The following DLG2 variants were observed in gnomAD, a reference collection of about 807,000 sequenced individuals.
DLG2 encodes the protein disks large homolog 2.
In DLG2, 45 loss-of-function variants were observed where a neutral mutation model predicts 132.5. That is an observed-to-expected ratio of 0.34 (90% CI 0.27 to 0.44). The LOEUF (loss-of-function observed/expected upper bound fraction) is 0.44, where lower values mean the gene tolerates loss of function less well. Ranked by LOEUF, DLG2 falls within the 20% of genes least tolerant of loss-of-function variation. DLG2 has a pLI of 1.00. For missense variants in DLG2, 1,045 were observed against 1,196.9 expected (o/e 0.87, Z 1.87); for synonymous variants, 424 against 419.6 (o/e 1.01, Z -0.13).
At chr11:84,137,810 C>T (rs1180052463) in intron 9 of DLG2, among the ~76,000 whole-genome samples, 1 of 151,930 alleles carries the variant, frequency 6.6e-6, no homozygotes, top group South Asian at 2.1e-4. Flanking sequence ...ATTCAATAAC[C>T]TTGAGATTTA....
At chr11:85,055,320 G>A (rs898639496) in intron 6 of DLG2, among the ~76,000 whole-genome samples, 12 of 152,128 alleles carry the variant, frequency 7.9e-5, no homozygotes, top group Admixed American at 7.9e-4. Context: ...ACATTCTCTT[G>A]CTAAGAACAA....
At chr11:84,576,150 A>G (rs140390341) in intron 6 of DLG2, among the ~76,000 whole-genome samples, 1 of 152,314 alleles carries the variant, frequency 6.6e-6, no homozygotes, top group African/African-American at 2.4e-5. Context: ...CCTTTAATTA[A>G]CATCATATAT....
chr11:84,074,261 G>GT (rs1211510055), intron 10 of DLG2, among the ~76,000 whole-genome samples: 1 of 152,064 alleles, frequency 6.6e-6, no homozygotes, highest in East Asian at 1.9e-4. Flanking sequence ...CATACATTCA[G>GT]TTTTTTTGTT....
At chr11:84,595,224 C>G (rs1490003682) in intron 6 of DLG2, among the ~76,000 whole-genome samples, 1 of 152,114 alleles carries the variant, frequency 6.6e-6, no homozygotes, top group African/African-American at 2.4e-5. Flanking sequence ...CCTACCTTTG[C>G]CTCCAGACTA....
At chr11:85,447,744 A>G (rs539776717) in intron 3 of DLG2, among the ~76,000 whole-genome samples, 6 of 152,266 alleles carry the variant, frequency 3.9e-5, no homozygotes, top group African/African-American at 1.2e-4. Context: ...GAAGCTTAAA[A>G]TTTCTGAAAA....
intron 11 of DLG2, among the ~76,000 whole-genome samples, chr11:84,008,862 G>T (rs2094717413): frequency 6.6e-6 from 1 of 151,488 alleles, no homozygotes; most frequent in Admixed American, 6.6e-5. Context: ...TCATTAGGTG[G>T]ATCACTCTCT....
chr11:85,397,181 C>T (rs2087475395), intron 3 of DLG2, among the ~76,000 whole-genome samples: 1 of 152,136 alleles, frequency 6.6e-6, no homozygotes, highest in Non-Finnish European at 1.5e-5. Flanking sequence ...CCAAACTAAA[C>T]TTCTTAAGAG....
intron 6 of DLG2, among the ~76,000 whole-genome samples, chr11:84,836,375 T>C (rs1162046792): frequency 6.6e-6 from 1 of 151,746 alleles, no homozygotes; most frequent in Non-Finnish European, 1.5e-5. Flanking sequence ...TCCACCACAA[T>C]GATCTTAGAC....
At chr11:84,167,736 G>T (rs1477000158) in intron 8 of DLG2, among the ~76,000 whole-genome samples, 1 of 151,776 alleles carries the variant, frequency 6.6e-6, no homozygotes, top group Non-Finnish European at 1.5e-5. Context: ...GTGCGATCTT[G>T]GCTCACTGCA....
intron 3 of DLG2, among the ~76,000 whole-genome samples, chr11:85,592,138 A>T (rs931576756): frequency 5.9e-5 from 9 of 152,208 alleles, no homozygotes; most frequent in African/African-American, 1.9e-4. Flanking sequence ...ATGTACATAA[A>T]TATTACTTTC....
At position 85,199,310 on chromosome 11, in the gene DLG2, T is replaced by C. The variant is rs184116216; in HGVS notation, c.187-44659A>G. Among the ~76,000 whole-genome samples the C allele has an allele frequency of 1.0e-3, 155 of 152,264 alleles. 4 individuals carry two copies. In the East Asian group the frequency reaches 0.02, roughly 20 times the overall value. ...AAGACTGACACCAATGCACACATAT[T>C]TTATGTTTCTATTTACAAGAAGTTC... On this transcript the variant is annotated intron_variant, in intron 4 of 27. Transcript: ENST00000376104.
intron 6 of DLG2, among the ~76,000 whole-genome samples, chr11:84,621,165 G>A (rs998692033): frequency 1.3e-5 from 2 of 152,064 alleles, no homozygotes; most frequent in African/African-American, 4.8e-5. Flanking sequence ...TAACTTGGAG[G>A]AGGGGCTTAT....
chr11:85,228,272 G>A (rs899959068), intron 4 of DLG2, among the ~76,000 whole-genome samples: 8 of 152,054 alleles, frequency 5.3e-5, no homozygotes, highest in Non-Finnish European at 1.0e-4. Context: ...GAGCTAGCAA[G>A]TTCTGCTTTA....
At chr11:83,811,161 T>C (rs2047163054) in intron 17 of DLG2, among the ~76,000 whole-genome samples, 1 of 152,158 alleles carries the variant, frequency 6.6e-6, no homozygotes, top group South Asian at 2.1e-4. Context: ...CAGAGTTATA[T>C]TGAGAACTGA....
At chr11:85,245,220 A>G (rs1265535739) in intron 4 of DLG2, among the ~76,000 whole-genome samples, 2 of 151,976 alleles carry the variant, frequency 1.3e-5, no homozygotes, top group Admixed American at 6.6e-5. Context: ...TTTATATTCA[A>G]CTGTAAATGT....
intron 4 of DLG2, among the ~76,000 whole-genome samples, chr11:85,164,490 A>G (rs563563123): frequency 6.6e-6 from 1 of 152,246 alleles, no homozygotes; most frequent in South Asian, 2.1e-4. Flanking sequence ...CCGTTACTTC[A>G]TCCCCTGATA....
intron 6 of DLG2, among the ~76,000 whole-genome samples, chr11:85,007,110 G>T (rs1316899747): frequency 2.6e-5 from 4 of 152,022 alleles, no homozygotes; most frequent in Admixed American, 1.3e-4. Context: ...TAGAAGTCAT[G>T]GTTGCAAATA....
chr11:85,599,364 C>G (rs1018444833), intron 2 of DLG2, among the ~76,000 whole-genome samples: 1 of 151,966 alleles, frequency 6.6e-6, no homozygotes, highest in African/African-American at 2.4e-5. Context: ...CTCTCTCTCT[C>G]TCTCTACTTT....
At chr11:84,840,726 C>A (rs997711318) in intron 6 of DLG2, among the ~76,000 whole-genome samples, 4 of 151,984 alleles carry the variant, frequency 2.6e-5, no homozygotes, top group African/African-American at 9.7e-5. Context: ...TCATTCTGAG[C>A]AAACTATCAC....
Sources: gnomAD v4.1 joint callset for allele counts (sites outside exome capture counted in the v4.1 genomes callset) on GRCh38, gnomAD v4.1.1 for gene constraint, MANE v1.5 for transcripts, NCBI Gene and HGNC (gene_info 2026-07-23, HGNC 2026-07-21) for gene names.